Variants in DLG2 observed in about 807,000 individuals in gnomAD.
DLG2 encodes the protein disks large homolog 2.
In DLG2, 45 loss-of-function variants were observed where a neutral mutation model predicts 132.5. The ratio of observed to expected loss-of-function variants is 0.34; its 90% CI spans 0.27 to 0.44. The LOEUF (loss-of-function observed/expected upper bound fraction) is 0.44, where lower values mean the gene tolerates loss of function less well. DLG2 is among the 20% of genes least tolerant of loss of function. The pLI, the probability that DLG2 is intolerant of heterozygous loss-of-function variation, is 1.00. For synonymous variants in DLG2, 424 were observed against 419.6 expected (o/e 1.01, Z -0.13); for missense variants, 1,045 against 1,196.9 (o/e 0.87, Z 1.87).
intron 7 of DLG2, among the ~76,000 whole-genome samples, chr11:84,352,563 G>T (rs2098584151): frequency 6.6e-6 from 1 of 152,164 alleles, no homozygotes; most frequent in African/African-American, 2.4e-5. Context: ...CACAAAAAAA[G>T]ATTCCTGCGG....
At position 83,757,787 on chromosome 11, in the gene DLG2, G is replaced by T. The variant is rs554673901; in HGVS notation, c.1825+28903C>A. ...TTCCCTTTCCTCATCAGACTTTGAT[G>T]CCTAAAGTTCCTTTAATATAACTAC... On this transcript the variant is annotated intron_variant, in intron 18 of 27. Transcript: ENST00000376104. Among the ~76,000 whole-genome samples, 79 of 152,160 alleles carry T rather than the reference G, an allele frequency of 5.2e-4. 1 individual carries two copies. Among genetic ancestry groups the T allele is most frequent in the African/African-American group, 1.8e-3 (75 of 41,516 alleles).
At chr11:84,758,032 G>C (rs544571656) in intron 6 of DLG2, among the ~76,000 whole-genome samples, 1 of 152,294 alleles carries the variant, frequency 6.6e-6, no homozygotes, top group South Asian at 2.1e-4. Flanking sequence ...TCCAATGGTT[G>C]GGTCATTGCC....
Position 85,396,591 on chromosome 11 carries a change from A to C in DLG2, c.41-111226T>G, listed in dbSNP as rs907971447. 3.7e-4 allele frequency among the ~76,000 whole-genome samples: 57 copies of C among 152,202 alleles called. 1 individual carries two copies. Among genetic ancestry groups the C allele is most frequent in the Non-Finnish European group, 8.8e-5 (6 of 68,040 alleles). ...TGTAGAGAAGATCTTAAATGACCTG[A>C]TGGAGGTGAAAACCACAGCACGAGC... On this transcript the variant is annotated intron_variant, in intron 3 of 27. Transcript: ENST00000376104.
intron 6 of DLG2, among the ~76,000 whole-genome samples, chr11:84,685,871 T>C (rs964615555): frequency 6.6e-6 from 1 of 152,100 alleles, no homozygotes; most frequent in Admixed American, 6.5e-5. Flanking sequence ...TATTTTTTAG[T>C]AGAGACGAGG....
intron 7 of DLG2, among the ~76,000 whole-genome samples, chr11:84,392,443 A>G (rs1188093257): frequency 6.6e-6 from 1 of 152,198 alleles, no homozygotes; most frequent in African/African-American, 2.4e-5. Flanking sequence ...TCATATGCCA[A>G]TGGTCTTAGA....
At chr11:85,346,004 G>A (rs1309732884) in intron 3 of DLG2, among the ~76,000 whole-genome samples, 1 of 151,934 alleles carries the variant, frequency 6.6e-6, no homozygotes, top group African/African-American at 2.4e-5. Flanking sequence ...TTCAGGGCGA[G>A]TCCACAGTGC....
chr11:84,051,708 G>T (rs2096386460), intron 11 of DLG2, among the ~76,000 whole-genome samples: 1 of 150,978 alleles, frequency 6.6e-6, no homozygotes, highest in African/African-American at 2.4e-5. Context: ...CACCAACATG[G>T]CACATGTATA....
chr11:83,866,402 T>G (rs2062386024), intron 16 of DLG2, among the ~76,000 whole-genome samples: 1 of 152,174 alleles, frequency 6.6e-6, no homozygotes, highest in African/African-American at 2.4e-5. Context: ...GGTTTTCATT[T>G]TCATAACAGA....
intron 3 of DLG2, among the ~76,000 whole-genome samples, chr11:85,578,645 GATCA>G (rs2078312853): frequency 6.6e-6 from 1 of 152,116 alleles, no homozygotes; most frequent in African/African-American, 2.4e-5. Context: ...CAATGTCACT[GATCA>G]TTAGAGAAAT....
intron 7 of DLG2, among the ~76,000 whole-genome samples, chr11:84,288,086 T>G (rs1274046849): frequency 6.6e-6 from 1 of 152,042 alleles, no homozygotes. Context: ...AGCTATTCAC[T>G]TCACTAAATT....
chr11:84,470,953 G>C (rs2099106881), intron 7 of DLG2, among the ~76,000 whole-genome samples: 1 of 151,788 alleles, frequency 6.6e-6, no homozygotes, highest in Non-Finnish European at 1.5e-5. Context: ...GACAGACAGG[G>C]AAATCAGGAC....
In DLG2 at chr11:85,482,041, G is replaced by A. The variant is rs189725771; in HGVS notation, c.40+116616C>T. Among the ~76,000 whole-genome samples the A allele has an allele frequency of 3.8e-3, 576 of 151,772 alleles. 4 individuals carry two copies. Among genetic ancestry groups the A allele is most frequent in the Non-Finnish European group, 6.1e-3 (416 of 67,910 alleles). ...AAGCTCCAGATCAGACCCAGCAGAA[G>A]ACATGACCTGCAGAATCAGGCTCCA... On this transcript the variant is annotated intron_variant, in intron 3 of 27. Coordinates refer to ENST00000376104, the MANE Select transcript of DLG2 (RefSeq NM_001142699.3).
intron 13 of DLG2, among the ~76,000 whole-genome samples, chr11:83,963,913 T>A (rs2089558219): frequency 6.6e-6 from 1 of 151,990 alleles, no homozygotes; most frequent in Non-Finnish European, 1.5e-5. Flanking sequence ...TTTTCTGATG[T>A]TCCAAAGACA....
At position 83,900,282 on chromosome 11, in the gene DLG2, C is replaced by A. The variant is rs568247252; in HGVS notation, c.1497-25794G>T. 3.3e-5 allele frequency among the ~76,000 whole-genome samples: 5 copies of A among 152,300 alleles called. No individual in the cohort carries two copies. The South Asian group carries it at 8.3e-4, about 25-fold the overall frequency. Reference sequence around the variant, plus strand: ...GGGATAGAAAATAAAATCCCATTTTCTCAGAAGAAATTCAAGCCAGCTGCA... The same window carrying A: ...GGGATAGAAAATAAAATCCCATTTTATCAGAAGAAATTCAAGCCAGCTGCA... On this transcript the variant is annotated intron_variant, in intron 15 of 27. Coordinates refer to ENST00000376104, the MANE Select transcript of DLG2 (RefSeq NM_001142699.3).
At chr11:84,753,409 A>G (rs1213296615) in intron 6 of DLG2, among the ~76,000 whole-genome samples, 2 of 152,222 alleles carry the variant, frequency 1.3e-5, no homozygotes, top group Admixed American at 1.3e-4. Flanking sequence ...CAATGGTAAC[A>G]GTAGTAAGAA....
intron 6 of DLG2, among the ~76,000 whole-genome samples, chr11:85,013,765 C>A (rs10792795): frequency 0.52 from 78,281 of 151,892 alleles, 20,508 homozygotes; most frequent in East Asian, 0.64. Context: ...ATGTAAAATT[C>A]TTTTAGAAAT....
intron 8 of DLG2, among the ~76,000 whole-genome samples, chr11:84,174,376 T>A (rs1566813936): frequency 6.6e-6 from 1 of 152,076 alleles, no homozygotes; most frequent in Non-Finnish European, 1.5e-5. Context: ...CAATAATTTT[T>A]TAATCCCCAG....
intron 18 of DLG2, chr11:83,724,791 G>A: frequency 1.4e-6 from 1 of 699,790 alleles, no homozygotes; most frequent in Non-Finnish European, 2.6e-6. Flanking sequence ...TCATTTTACT[G>A]GCCACACCTC....
At chr11:84,066,481 C>G (rs948522559) in intron 10 of DLG2, among the ~76,000 whole-genome samples, 1 of 152,106 alleles carries the variant, frequency 6.6e-6, no homozygotes, top group Non-Finnish European at 1.5e-5. Context: ...TGTTTGGGGC[C>G]GGGAGCGATG....
Sources: allele counts gnomAD v4.1 joint callset (sites outside exome capture counted in the v4.1 genomes callset), GRCh38; gene constraint gnomAD v4.1.1; transcripts MANE v1.5; gene names NCBI Gene and HGNC (gene_info 2026-07-23, HGNC 2026-07-21).